The following MICAL2 variants were observed in gnomAD, a reference collection of about 807,000 sequenced individuals.
MICAL2 encodes [F-actin]-monooxygenase MICAL2.
MICAL2 carries 77 observed loss-of-function variants against 127.3 expected under a neutral mutation model. That is an observed-to-expected ratio of 0.60 (90% CI 0.50 to 0.73). The LOEUF is 0.73. MICAL2 is among the 30% of genes least tolerant of loss of function. The pLI is 0.00. For synonymous variants in MICAL2, 570 were observed against 551.1 expected, an observed-to-expected ratio of 1.03 and a Z score of -0.48; for missense variants, 1,351 against 1,434.4, an observed-to-expected ratio of 0.94 and a Z score of 0.94.
chr11:12,286,859 C>A lies in MICAL2; in HGVS notation c.255-228C>A, dbSNP rs193208667. On this transcript the variant is annotated intron_variant, in intron 2 of 2. Coordinates refer to the MICAL2 transcript ENST00000529028. ...CACTGCACTCCAGCCTGGTGACAAG[C>A]AAACAAAAACACAAAAATATTTGAT... 7.5e-4 allele frequency: 242 copies of A among 323,796 alleles called. 1 individual carries two copies. The highest frequency in any genetic ancestry group is 4.9e-3 in the African/African-American group (231 of 47,116). 20.1% of individuals were successfully genotyped at this position (323,796 alleles called of 1,614,324 possible). A position where few individuals can be genotyped will look rare whatever the true frequency, so the allele number is the denominator to read the frequency against.
At chr11:12,132,436 G>A (rs1468540679) in intron 1 of MICAL2, among the ~76,000 whole-genome samples, 1 of 152,084 alleles carries the variant, frequency 6.6e-6, no homozygotes, top group African/African-American at 2.4e-5. Flanking sequence ...ATGCCCTCAG[G>A]GAAAATGAGC....
At chr11:12,177,935 A>G (rs1196518780) in intron 3 of MICAL2, among the ~76,000 whole-genome samples, 2 of 152,174 alleles carry the variant, frequency 1.3e-5, no homozygotes, top group African/African-American at 4.8e-5. Context: ...ATTGTGAAAT[A>G]TATATATTTG....
chr11:12,161,648 G>A (rs1284731059), intron 2 of MICAL2: 2 of 158,118 alleles, frequency 1.3e-5, no homozygotes, highest in African/African-American at 4.8e-5. Context: ...TAATGTGGCT[G>A]GGTTATATTC....
exon 31 of MICAL2, chr11:12,323,999 A>G (rs1179825321): frequency 1.2e-6 from 2 of 1,611,242 alleles, no homozygotes; most frequent in Non-Finnish European, 8.5e-7. Flanking sequence ...ACTTAGAAGA[A>G]GAAAGAAGCT....
intron 32 of MICAL2, among the ~76,000 whole-genome samples, chr11:12,338,539 C>A (rs576000266): frequency 6.6e-6 from 1 of 152,182 alleles, no homozygotes; most frequent in South Asian, 2.1e-4. Context: ...GATGCGGTTT[C>A]TTCCTAGCCT....
At chr11:12,243,716 T>C (rs1860302325) in intron 20 of MICAL2, among the ~76,000 whole-genome samples, 1 of 152,222 alleles carries the variant, frequency 6.6e-6, no homozygotes, top group Non-Finnish European at 1.5e-5. Flanking sequence ...CATCGGTGTC[T>C]GAGGCGGATG....
chr11:12,227,400 A>G (rs1402251956), intron 15 of MICAL2, among the ~76,000 whole-genome samples: 1 of 152,236 alleles, frequency 6.6e-6, no homozygotes, highest in African/African-American at 2.4e-5. Flanking sequence ...TTTTACAAGT[A>G]AATCAGATCA....
rs756712737 is a variant in MICAL2, at chr11:12,162,226, C to T, written c.71C>T (p.Thr24Met). ...TTTGAGAACTTTGTCCAGGCATCCACGTGCAAAGGTACCCTCCAGGCCTTC... is the reference window on the plus strand; with the variant it reads ...TTTGAGAACTTTGTCCAGGCATCCATGTGCAAAGGTACCCTCCAGGCCTTC... ...QVFENFVQAS[T>M]CKGTLQAFNI... The change falls in exon 3 of 28, where the codon ACG (threonine) becomes ATG (methionine). Residue 24 changes from threonine (T) to methionine (M), a missense_variant. By Grantham distance (81) the Thr-to-Met change is moderately conservative (BLOSUM62 -1). Around this residue, in one of 2 missense-constraint regions of MICAL2, gnomAD observed 599 missense variants for 714.9 expected, o/e 0.84. Transcript: ENST00000683283. 5 of 1,614,224 alleles carry T rather than the reference C, an allele frequency of 3.1e-6. No individual in the cohort carries two copies. Among genetic ancestry groups the T allele is most frequent in the Middle Eastern group, 1.6e-4 (1 of 6,062 alleles).
intron 32 of MICAL2, among the ~76,000 whole-genome samples, chr11:12,339,632 A>G (rs1811075870): frequency 6.6e-6 from 1 of 152,016 alleles, no homozygotes; most frequent in African/African-American, 2.4e-5. Context: ...TTTGGTGTGG[A>G]TGTCCTTTCT....
chr11:12,134,462 ACTT>A (rs1236680156), intron 1 of MICAL2, among the ~76,000 whole-genome samples: 1 of 152,226 alleles, frequency 6.6e-6, no homozygotes, highest in Admixed American at 6.5e-5. Flanking sequence ...GGTTTCGGTA[ACTT>A]CTTCTCCCAG....
At chr11:12,258,646 C>T in intron 25 of MICAL2, 90 bp downstream of exon 25, 2 of 1,187,832 alleles carry the variant, frequency 1.7e-6, no homozygotes, top group Admixed American at 4.1e-5. Context: ...GCTTTGCTGG[C>T]CCTAGAGGGA....
chr11:12,221,531 CTG>C, intron 9 of MICAL2, 111 bp from the exon 10 acceptor site: 1 of 669,746 alleles, frequency 1.5e-6, no homozygotes, highest in Non-Finnish European at 2.6e-6. Flanking sequence ...TGTCACCTCT[CTG>C]TCCCTCCAGT....
At chr11:12,196,978 C>T (rs1465711501) in intron 3 of MICAL2, among the ~76,000 whole-genome samples, 2 of 152,194 alleles carry the variant, frequency 1.3e-5, no homozygotes, top group African/African-American at 4.8e-5. Context: ...CTGGAGGGAT[C>T]CTTTCTTGAC....
intron 4 of MICAL2, among the ~76,000 whole-genome samples, chr11:12,206,297 T>G (rs12283453): frequency 0.34 from 51,993 of 152,034 alleles, 9,360 homozygotes; most frequent in Non-Finnish European, 0.39. Context: ...CTGCCCTCAT[T>G]GATGGGGCTT....
At position 12,302,727 on chromosome 11, in the gene MICAL2, A is replaced by G. The variant is rs145748477; in HGVS notation, c.5212+7870A>G. On this transcript the variant is annotated intron_variant, in intron 29 of 34. Coordinates refer to the MICAL2 transcript ENST00000646065. ...AAAAGCCTGGGAATGCAGTGGCACA[A>G]TCATAAAGTACAGAAGCCTCAAACT... 4.5e-3 allele frequency among the ~76,000 whole-genome samples: 691 copies of G among 152,182 alleles called. 5 individuals carry two copies. The highest frequency in any genetic ancestry group is 0.016 in the African/African-American group (666 of 41,520).
At chr11:12,344,883 CA>C (rs1938928875) in intron 32 of MICAL2, among the ~76,000 whole-genome samples, 1 of 151,316 alleles carries the variant, frequency 6.6e-6, no homozygotes, top group Non-Finnish European at 1.5e-5. Context: ...CCAAGGCGGG[CA>C]GATCACAAGG....
rs374121668 is a variant in MICAL2, at chr11:12,329,434, G to A, written c.5515+2168G>A. ...GAGGAAAAACCAGAAAAGCCAGGGC[G>A]TGCTTCAGTTTGCCGCCAGCAACAC... On this transcript the variant is annotated intron_variant, in intron 32 of 34. Transcript: ENST00000646065. Among the ~76,000 whole-genome samples, 384 of 152,250 alleles carry A rather than the reference G, an allele frequency of 2.5e-3. 1 individual carries two copies. Among genetic ancestry groups the A allele is most frequent in the African/African-American group, 8.6e-3 (357 of 41,538 alleles).
intron 32 of MICAL2, among the ~76,000 whole-genome samples, chr11:12,347,203 A>G (rs1938968990): frequency 6.6e-6 from 1 of 151,720 alleles, no homozygotes; most frequent in Admixed American, 6.6e-5. Flanking sequence ...CTGTTCTTCC[A>G]CCCCAGTCCC....
At chr11:12,274,077 C>T (rs1863700137), upstream of MICAL2, among the ~76,000 whole-genome samples, 1 of 152,038 alleles carries the variant, frequency 6.6e-6, no homozygotes, top group African/African-American at 2.4e-5. Context: ...AGACAGGAGA[C>T]TTTCAGCATA....
Sources: gnomAD v4.1 joint callset for allele counts (sites outside exome capture counted in the v4.1 genomes callset) on GRCh38, gnomAD v4.1.1 for gene constraint, gnomAD v4.1.1 regional missense constraint, MANE v1.5 for transcripts, NCBI Gene and HGNC (gene_info 2026-07-23, HGNC 2026-07-21) for gene names.